AFG1L: variants seen among roughly 807,000 people sequenced by gnomAD.
The protein encoded by AFG1L is AFG1 like ATPase.
In AFG1L, 53 loss-of-function variants were observed where a neutral mutation model predicts 62.2. The ratio of observed to expected loss-of-function variants is 0.85; its 90% CI spans 0.68 to 1.07. AFG1L has a LOEUF of 1.07. Ranked by LOEUF, AFG1L falls within the 50% of genes least tolerant of loss-of-function variation. The pLI is 0.00. For missense variants in AFG1L, 555 were observed against 590.5 expected, an observed-to-expected ratio of 0.94 and a Z score of 0.62; for synonymous variants, 228 against 210.3, an observed-to-expected ratio of 1.08 and a Z score of -0.73.
chr6:108,481,082 T>C (rs115264820), intron 10 of AFG1L, among the ~76,000 whole-genome samples: 351 of 152,320 alleles, frequency 2.3e-3, no homozygotes, highest in African/African-American at 8.1e-3. Context: ...CCCCAAGCCT[T>C]AGGCAGCCTC....
intron 8 of AFG1L, among the ~76,000 whole-genome samples, chr6:108,474,211 A>G (rs1773024522): frequency 6.6e-6 from 1 of 152,158 alleles, no homozygotes; most frequent in Admixed American, 6.5e-5. Flanking sequence ...AAAGGACGTG[A>G]TCTGCTTCCT....
chr6:108,389,143 G>C lies in AFG1L; in HGVS notation c.749-12853G>C, dbSNP rs989837883. Among the ~76,000 whole-genome samples the C allele has an allele frequency of 5.9e-5, 9 of 152,158 alleles. No homozygotes were observed. In the East Asian group the frequency reaches 1.5e-3, roughly 26 times the overall value. On this transcript the variant is annotated intron_variant, in intron 6 of 12. Transcript: ENST00000368977. ...TTACCATTATGTAATGGCCTTCTTT[G>C]TCTCTTTTGATCTTTGTTGGTTTAA...
In AFG1L at chr6:108,524,171, G is replaced by A. The variant is rs2114927297; in HGVS notation, c.*1746G>A. 1 of 152,284 alleles carries A rather than the reference G, an allele frequency of 6.6e-6. No homozygotes were observed. Among genetic ancestry groups the A allele is most frequent in the East Asian group, 1.9e-4 (1 of 5,192 alleles). 9.4% of individuals were successfully genotyped at this position (152,284 alleles called of 1,614,324 possible). On this transcript the variant is annotated 3_prime_UTR_variant, in exon 13 of 13. Coordinates refer to ENST00000368977, the MANE Select transcript of AFG1L (RefSeq NM_145315.5). ...AATTGATTCATTTAACTCAGTGAAT[G>A]AAGTTGAAGATAAATTCACAACAGA...
chr6:108,480,524 A>G (rs1486079726), intron 10 of AFG1L, among the ~76,000 whole-genome samples: 1 of 152,158 alleles, frequency 6.6e-6, no homozygotes, highest in Non-Finnish European at 1.5e-5. Context: ...TCTTTAATAT[A>G]CTTTGGACTC....
At position 108,524,144 on chromosome 6, in the gene AFG1L, A is replaced by C. The variant is rs1414338893; in HGVS notation, c.*1719A>C. 1 of 152,224 alleles carries C rather than the reference A, an allele frequency of 6.6e-6. No homozygotes were observed. Among genetic ancestry groups the C allele is most frequent in the Non-Finnish European group, 1.5e-5 (1 of 68,034 alleles). The allele number at this position is 152,224 out of a possible 1,614,324, so 9.4% of individuals were successfully genotyped here. On this transcript the variant is annotated 3_prime_UTR_variant, in exon 13 of 13. Coordinates refer to ENST00000368977, the MANE Select transcript of AFG1L (RefSeq NM_145315.5). ...TATTTAAAAAAAAGAGATTGTTTTAAAAATTGATTCATTTAACTCAGTGAA... is the reference window on the plus strand; with the variant it reads ...TATTTAAAAAAAAGAGATTGTTTTACAAATTGATTCATTTAACTCAGTGAA...
chr6:108,506,987 T>C (rs1374087176), intron 10 of AFG1L, among the ~76,000 whole-genome samples: 2 of 152,244 alleles, frequency 1.3e-5, no homozygotes, highest in Non-Finnish European at 2.9e-5. Flanking sequence ...ATGTCATTAT[T>C]TTAAATTAGT....
intron 1 of AFG1L, among the ~76,000 whole-genome samples, chr6:108,316,715 G>T (rs1777617093): frequency 6.6e-6 from 1 of 151,740 alleles, no homozygotes; most frequent in Non-Finnish European, 1.5e-5. Context: ...TGTATTTTTA[G>T]TAGAGACGGG....
chr6:108,345,615 A>T lies in AFG1L; in HGVS notation c.364-1373A>T, dbSNP rs536914491. On this transcript the variant is annotated intron_variant, in intron 2 of 12. Coordinates refer to ENST00000368977, the MANE Select transcript of AFG1L (RefSeq NM_145315.5). The stretch of plus-strand genomic sequence containing the variant: ...GCCTCCCAAAGTGCTGGAATTATAG[A>T]TGTGAGCCACCATGCCTGGCCCACT... 7.3e-5 allele frequency among the ~76,000 whole-genome samples: 11 copies of T among 150,434 alleles called. 1 individual carries two copies. The South Asian group carries it at 2.3e-3, about 31-fold the overall frequency.
At chr6:108,456,039 T>C (rs931857043) in intron 8 of AFG1L, among the ~76,000 whole-genome samples, 9 of 152,304 alleles carry the variant, frequency 5.9e-5, no homozygotes, top group African/African-American at 1.9e-4. Flanking sequence ...TGCTGAAATT[T>C]CCAAGTATAA....
chr6:108,356,945 A>C (rs1562105167), intron 5 of AFG1L, 125 bp downstream of exon 5: 9 of 837,226 alleles, frequency 1.1e-5, no homozygotes, highest in Non-Finnish European at 1.6e-5. Flanking sequence ...TACTGCTTCA[A>C]TTTTACTATC....
chr6:108,478,310 G>A (rs1212924108), intron 10 of AFG1L, among the ~76,000 whole-genome samples: 2 of 152,126 alleles, frequency 1.3e-5, no homozygotes, highest in Non-Finnish European at 2.9e-5. Flanking sequence ...TGTGGCGGGC[G>A]CCTGTAGTCC....
chr6:108,439,179 T>A (rs1257943648), intron 7 of AFG1L, among the ~76,000 whole-genome samples: 3 of 152,152 alleles, frequency 2.0e-5, no homozygotes, highest in Non-Finnish European at 4.4e-5. Context: ...TTTATCAACT[T>A]GAAAAATTAC....
intron 7 of AFG1L, among the ~76,000 whole-genome samples, chr6:108,429,947 G>GTATT (rs1295955708): frequency 3.3e-5 from 5 of 151,850 alleles, no homozygotes; most frequent in Non-Finnish European, 7.4e-5. Context: ...ATGTTATTAT[G>GTATT]TATTTATTTA....
At chr6:108,326,358 A>T (rs903852117) in intron 2 of AFG1L, among the ~76,000 whole-genome samples, 3 of 152,152 alleles carry the variant, frequency 2.0e-5, no homozygotes, top group African/African-American at 7.2e-5. Flanking sequence ...GGTGTGAGTC[A>T]CCACACTCAG....
intron 4 of AFG1L, among the ~76,000 whole-genome samples, chr6:108,356,216 G>GT (rs571340273): frequency 1.5e-3 from 235 of 152,208 alleles, no homozygotes; most frequent in African/African-American, 4.7e-3. Flanking sequence ...GGAATCATGT[G>GT]TTTTTTTCCT....
intron 7 of AFG1L, among the ~76,000 whole-genome samples, chr6:108,406,222 C>T (rs771854753): frequency 2.6e-5 from 4 of 152,022 alleles, no homozygotes; most frequent in Admixed American, 6.6e-5. Context: ...TTTTCCATAG[C>T]GGCTGTACCA....
At chr6:108,361,206 C>T (rs1779513778) in intron 5 of AFG1L, among the ~76,000 whole-genome samples, 2 of 152,218 alleles carry the variant, frequency 1.3e-5, no homozygotes, top group Admixed American at 6.5e-5. Context: ...CCAGTTTATG[C>T]CTGTCTGACC....
At position 108,366,339 on chromosome 6, in the gene AFG1L, A is replaced by G. The variant is rs750283213; in HGVS notation, c.748+7A>G. ...TCCAACAGGCCACCGGAAGGTAAAA[A>G]CAAACATTGTGCTAGTCTCATCCAA... On this transcript the variant is annotated splice_region_variant and intron_variant, in intron 6 of 12. Coordinates refer to ENST00000368977, the MANE Select transcript of AFG1L (RefSeq NM_145315.5). 40 of 1,593,708 alleles carry G rather than the reference A, an allele frequency of 2.5e-5. 1 individual carries two copies. The highest frequency in any genetic ancestry group is 3.3e-4 in the Middle Eastern group (2 of 6,030).
chr6:108,399,074 T>C (rs1781437651), intron 6 of AFG1L, among the ~76,000 whole-genome samples: 1 of 152,042 alleles, frequency 6.6e-6, no homozygotes, highest in Admixed American at 6.6e-5. Context: ...TCTTCCAATC[T>C]ATGAATACGG....
Sources: allele counts gnomAD v4.1 joint callset (sites outside exome capture counted in the v4.1 genomes callset), GRCh38; gene constraint gnomAD v4.1.1; transcripts MANE v1.5; gene names NCBI Gene and HGNC (gene_info 2026-07-23, HGNC 2026-07-21).